IQCF1: variants seen among roughly 807,000 people sequenced by gnomAD.
IQCF1 encodes IQ domain-containing protein F1.
IQCF1 carries 9 observed loss-of-function variants against 12.5 expected under a neutral mutation model. That is an observed-to-expected ratio of 0.72 (90% CI 0.43 to 1.26). IQCF1 has a LOEUF of 1.26. Ranked by LOEUF, IQCF1 falls within the 50% of genes most tolerant of loss-of-function variation. IQCF1 has a pLI of 0.00. For missense variants in IQCF1, 252 were observed against 257.4 expected, an observed-to-expected ratio of 0.98 and a Z score of 0.14; for synonymous variants, 67 against 96.2, an observed-to-expected ratio of 0.70 and a Z score of 1.78.
chr3:51,895,082 T>G lies in IQCF1; in HGVS notation c.426A>C (p.Arg142Ser). The change falls in exon 4 of 4, where the codon AGA (arginine) becomes AGC (serine). Residue 142 changes from arginine to serine, a missense_variant. Coordinates refer to ENST00000310914, the MANE Select transcript of IQCF1 (RefSeq NM_152397.3). This position sits in a 1 kb window ranked among gnomAD's most constrained non-coding sequence, Gnocchi z 4.8. ...CAGCATTGAGCACCTGGCAATAGCG[T>G]CTGCGGATGCGCCACATGCGGGCCT... ...QSQARMWRIR[R>S]RYCQVLNAVR... The G allele has an allele frequency of 6.2e-7, 1 of 1,614,222 alleles. No homozygotes were observed. The highest frequency in any genetic ancestry group is 8.5e-7 in the Non-Finnish European group (1 of 1,180,034).
chr3:51,902,914 C>A, intron 2 of IQCF1, 71 bp downstream of exon 2: 1 of 1,123,820 alleles, frequency 8.9e-7, no homozygotes, highest in Non-Finnish European at 1.4e-6. Context: ...TATAACAGCA[C>A]CATGCAAAAG....
At chr3:51,903,128 C>T (rs749082762) in intron 1 of IQCF1, 39 bp from the exon 2 acceptor site, 12 of 1,599,802 alleles carry the variant, frequency 7.5e-6, no homozygotes, top group Admixed American at 6.7e-5. Context: ...AGTGAGGCTG[C>T]GGTCCCTCCC....
At chr3:51,902,680 T>C (rs751072148) in intron 2 of IQCF1, 6 of 343,880 alleles carry the variant, frequency 1.7e-5, no homozygotes, top group Non-Finnish European at 2.8e-5. Flanking sequence ...TCAGAATTAG[T>C]TTAGCCTGTG....
At chr3:51,897,477 G>A (rs1452204089) in intron 2 of IQCF1, among the ~76,000 whole-genome samples, 1 of 152,226 alleles carries the variant, frequency 6.6e-6, no homozygotes, top group East Asian at 1.9e-4. Context: ...TCCGGGGGTG[G>A]TCTCTGGTTC....
chr3:51,897,412 G>A (rs1232351909), intron 2 of IQCF1, among the ~76,000 whole-genome samples: 3 of 152,154 alleles, frequency 2.0e-5, no homozygotes, highest in South Asian at 2.1e-4. Flanking sequence ...TTTCTTTTGC[G>A]GCACCGAAGC....
chr3:51,896,705 ACACACACG>A (rs1699007595), intron 3 of IQCF1, 119 bp downstream of exon 3: 8 of 733,302 alleles, frequency 1.1e-5, no homozygotes, highest in South Asian at 3.0e-5. Flanking sequence ...GCACACACAC[ACACACACG>A]CACACACACA....
chr3:51,897,743 T>A (rs1015001765), intron 2 of IQCF1, among the ~76,000 whole-genome samples: 6 of 152,228 alleles, frequency 3.9e-5, no homozygotes, highest in African/African-American at 1.2e-4. Context: ...TGTGCGTGAA[T>A]GATCACAAAC....
At chr3:51,899,271 T>C (rs1361553956) in intron 2 of IQCF1, among the ~76,000 whole-genome samples, 1 of 152,156 alleles carries the variant, frequency 6.6e-6, no homozygotes, top group Non-Finnish European at 1.5e-5. Context: ...ATAAATTAAC[T>C]GGTTGTTTAA....
Position 51,903,297 on chromosome 3 carries a change from A to G in IQCF1, c.-25T>C. 6.2e-7 allele frequency: 1 copy of G among 1,613,806 alleles called. No individual in the cohort carries two copies. The highest frequency in any genetic ancestry group is 8.5e-7 in the Non-Finnish European group (1 of 1,179,700). ...TTGGTCACATATGGATTGATTGTAG[A>G]TGGTTCAAATCCCCTCACATCTGTG... On this transcript the variant is annotated 5_prime_UTR_variant, in exon 1 of 4. Coordinates refer to ENST00000310914, the MANE Select transcript of IQCF1 (RefSeq NM_152397.3).
rs781462707 is a variant in IQCF1, at chr3:51,903,066, C to T, written c.27G>A (p.Thr9=). 8.7e-6 allele frequency: 14 copies of T among 1,614,002 alleles called. No individual in the cohort carries two copies. The highest frequency in any genetic ancestry group is 3.3e-5 in the South Asian group (3 of 91,078). The part of the protein sequence containing the change: MEEKQPQK[T]KEPSKEDEPQ... ...GCTCATCTTCTTTTGAGGGTTCCTT[C>T]GTCTTTTGGGGCTGCTTCTCCTCCT... The change falls in exon 2 of 4, where the codon ACG becomes ACA. Residue 9 remains threonine (T), a synonymous_variant. Coordinates refer to ENST00000310914, the MANE Select transcript of IQCF1 (RefSeq NM_152397.3).
intron 1 of IQCF1, 40 bp downstream of exon 1, chr3:51,903,230 G>T: frequency 8.1e-6 from 13 of 1,612,120 alleles, no homozygotes; most frequent in Non-Finnish European, 1.1e-5. Flanking sequence ...GATCTATGGG[G>T]ACATCCCTAA....
intron 3 of IQCF1, among the ~76,000 whole-genome samples, chr3:51,896,033 T>C (rs539168747): frequency 6.6e-6 from 1 of 152,352 alleles, no homozygotes; most frequent in East Asian, 1.9e-4. Context: ...AGCTGTTCTT[T>C]GTGGAGGAAA....
intron 3 of IQCF1, 119 bp downstream of exon 3, chr3:51,896,713 G>GCACA (rs59897184): frequency 0.17 from 99,321 of 601,598 alleles, 3,746 homozygotes; most frequent in Non-Finnish European, 0.18. Flanking sequence ...ACACACACAC[G>GCACA]CACACACACA....
chr3:51,896,606 C>CA (rs1390073799), intron 3 of IQCF1, among the ~76,000 whole-genome samples: 1 of 152,090 alleles, frequency 6.6e-6, no homozygotes, highest in African/African-American at 2.4e-5. Context: ...TTCAAACTTA[C>CA]ATCTCTTCCC....
Position 51,901,396 on chromosome 3 carries a change from G to A in IQCF1, c.108+1589C>T, listed in dbSNP as rs147261230. Among the ~76,000 whole-genome samples the A allele has an allele frequency of 6.6e-3, 998 of 152,348 alleles. 14 individuals carry two copies. Among genetic ancestry groups the A allele is most frequent in the African/African-American group, 0.023 (937 of 41,566 alleles). ...ACTTCATGTCTCTCACGACAGGGAG[G>A]AAACTTAGCATTCCTTGGAGACCTG... On this transcript the variant is annotated intron_variant, in intron 2 of 3. Coordinates refer to ENST00000310914, the MANE Select transcript of IQCF1 (RefSeq NM_152397.3).
At chr3:51,897,933 T>C (rs1401113515) in intron 2 of IQCF1, among the ~76,000 whole-genome samples, 1 of 152,188 alleles carries the variant, frequency 6.6e-6, no homozygotes, top group Non-Finnish European at 1.5e-5. Flanking sequence ...GGTTGAGCCT[T>C]CCGGGGCAGG....
rs1698992371 is a variant in IQCF1 at position 51,895,426 on chromosome 3, G to A, written c.172-90C>T. On this transcript the variant is annotated intron_variant, in intron 3 of 3. Transcript: ENST00000310914. This position sits in a 1 kb window ranked among gnomAD's most constrained non-coding sequence, Gnocchi z 4.8. Reference sequence around the variant, plus strand: ...CAGGAAAGGCCCTGATTCCCTATCAGCAACTGTCTCTTTTTCTGGAATTCA... The same window carrying A: ...CAGGAAAGGCCCTGATTCCCTATCAACAACTGTCTCTTTTTCTGGAATTCA... The A allele has an allele frequency of 1.8e-6, 2 of 1,142,070 alleles. No individual in the cohort carries two copies. The highest frequency in any genetic ancestry group is 1.6e-5 in the African/African-American group (1 of 64,358). 70.7% of individuals were successfully genotyped at this position (1,142,070 alleles called of 1,614,324 possible). A position where few individuals can be genotyped will look rare whatever the true frequency, so the allele number is the denominator to read the frequency against.
chr3:51,899,974 AG>A, intron 2 of IQCF1, among the ~76,000 whole-genome samples: 1 of 152,228 alleles, frequency 6.6e-6, no homozygotes, highest in Non-Finnish European at 1.5e-5. Context: ...GAAGGCACCA[AG>A]GACAATAAAG....
At position 51,896,885 on chromosome 3, in the gene IQCF1, G is replaced by A. The variant is rs1203614923; in HGVS notation, c.118C>T (p.Pro40Ser). 1 of 1,613,192 alleles carries A rather than the reference G, an allele frequency of 6.2e-7. No homozygotes were observed. Among genetic ancestry groups the A allele is most frequent in the South Asian group, 1.1e-5 (1 of 91,048 alleles). The change falls in exon 3 of 4, where the codon CCA becomes TCA. Residue 40 changes from proline to serine, a missense_variant. Physicochemically the swap from Pro to Ser is moderately conservative, Grantham distance 74 (BLOSUM62 -1). Coordinates refer to ENST00000310914, the MANE Select transcript of IQCF1 (RefSeq NM_152397.3). The part of the protein sequence containing the change: ...GAESKAEAKT[P>S]VLVETQTVDN... ...ACTGTCTGTGTCTCAACCAGAACTGGAGTTTTAGCCTGAAAAGGAAATGGG... is the reference window on the plus strand; with the variant it reads ...ACTGTCTGTGTCTCAACCAGAACTGAAGTTTTAGCCTGAAAAGGAAATGGG...
Sources: gnomAD v4.1 joint callset for allele counts (sites outside exome capture counted in the v4.1 genomes callset) on GRCh38, gnomAD v4.1.1 for gene constraint, Gnocchi (gnomAD v3.1) non-coding constraint, MANE v1.5 for transcripts, NCBI Gene and HGNC (gene_info 2026-07-23, HGNC 2026-07-21) for gene names.